EXOC2: variants seen among roughly 807,000 people sequenced by gnomAD.
The protein encoded by EXOC2 is exocyst complex component 2.
EXOC2 carries 70 observed loss-of-function variants against 131.8 expected under a neutral mutation model. That is an observed-to-expected ratio of 0.53 (90% CI 0.44 to 0.65). The LOEUF (loss-of-function observed/expected upper bound fraction) is 0.65. EXOC2 is among the 30% of genes least tolerant of loss of function. The probability of loss-of-function intolerance (pLI) is 0.00; values close to 1 mark genes in which losing one functional copy is unlikely to be tolerated. For synonymous variants in EXOC2, 411 were observed against 398.4 expected, an observed-to-expected ratio of 1.03 and a Z score of -0.38; for missense variants, 923 against 1,108.6, an observed-to-expected ratio of 0.83 and a Z score of 2.38.
At chr6:615,146 G>A (rs1340054729) in intron 6 of EXOC2, among the ~76,000 whole-genome samples, 1 of 151,820 alleles carries the variant, frequency 6.6e-6, no homozygotes, top group African/African-American at 2.4e-5. Flanking sequence ...AAATAAAGCA[G>A]AGACAGTAGA....
At chr6:638,901 C>T (rs1289678539) in intron 1 of EXOC2, among the ~76,000 whole-genome samples, 2 of 152,060 alleles carry the variant, frequency 1.3e-5, no homozygotes, top group African/African-American at 4.8e-5. Flanking sequence ...TGCACTCTAG[C>T]CTGGGTGACA....
chr6:562,185 C>A (rs1042121475), intron 17 of EXOC2, among the ~76,000 whole-genome samples: 4 of 152,226 alleles, frequency 2.6e-5, no homozygotes, highest in Non-Finnish European at 2.9e-5. Context: ...GAAGTCCCCC[C>A]CTGGTGAAAG....
At position 681,944 on chromosome 6, in the gene EXOC2, T is replaced by C. The variant is rs190151918; in HGVS notation, c.-44+11075A>G. Among the ~76,000 whole-genome samples the C allele has an allele frequency of 3.5e-3, 529 of 152,376 alleles. 2 individuals carry two copies. The highest frequency in any genetic ancestry group is 5.9e-3 in the Non-Finnish European group (402 of 68,040). On this transcript the variant is annotated intron_variant, in intron 1 of 27. Coordinates refer to ENST00000230449, the MANE Select transcript of EXOC2 (RefSeq NM_018303.6). ...GCTCACTGCTAACTCCTGGAGGATT[T>C]TGCCCAGTAAAAGCTAAGGTAGAAA...
chr6:651,179 C>G (rs151297268), intron 1 of EXOC2, among the ~76,000 whole-genome samples: 1,941 of 151,928 alleles, frequency 0.013, 37 homozygotes, highest in African/African-American at 0.044. Flanking sequence ...TACAGGCGCC[C>G]GCCACCATGC....
At position 564,906 on chromosome 6, in the gene EXOC2, A is replaced by T. The variant is rs770504817; in HGVS notation, c.1467T>A (p.Ile489=). The T allele has an allele frequency of 4.3e-6, 7 of 1,612,624 alleles. No individual in the cohort carries two copies. The South Asian group carries it at 6.6e-5, about 15-fold the overall frequency. ...TTTGCCTTACATTCTTTGATCTTTC[A>T]ATCTGGCCTGACTTCTCAGCAGTCT... The part of the protein sequence containing the change: ...FSETAEKSGQ[I]ERSKNVRQRQ... Residue 489 remains isoleucine (I), a synonymous_variant, in exon 14 of 28, where the codon ATT becomes ATA. Coordinates refer to ENST00000230449, the MANE Select transcript of EXOC2 (RefSeq NM_018303.6).
At chr6:548,314 C>T (rs1209656430) in intron 22 of EXOC2, among the ~76,000 whole-genome samples, 1 of 152,018 alleles carries the variant, frequency 6.6e-6, no homozygotes, top group African/African-American at 2.4e-5. Flanking sequence ...AAGTAGGTAA[C>T]CCTGAGTGCG....
At chr6:670,248 C>CCA in intron 1 of EXOC2, 1 of 152,342 alleles carries the variant, frequency 6.6e-6, no homozygotes, top group East Asian at 1.9e-4. Flanking sequence ...AGTTCAGCAT[C>CCA]CACACAAGCA....
chr6:568,832 T>C (rs967673355), intron 13 of EXOC2, among the ~76,000 whole-genome samples: 9 of 152,194 alleles, frequency 5.9e-5, no homozygotes, highest in Non-Finnish European at 1.0e-4. Flanking sequence ...AAAAAACATA[T>C]AAAAATTAAG....
chr6:567,012 AC>A (rs1383684965), intron 13 of EXOC2, among the ~76,000 whole-genome samples: 2 of 152,104 alleles, frequency 1.3e-5, no homozygotes, highest in Non-Finnish European at 2.9e-5. Context: ...AAACCTACCA[AC>A]TGCTCTCCAA....
At chr6:658,338 C>T (rs1375145370) in intron 1 of EXOC2, among the ~76,000 whole-genome samples, 1 of 152,078 alleles carries the variant, frequency 6.6e-6, no homozygotes, top group Admixed American at 6.5e-5. Context: ...CTCATTCTCT[C>T]ACAGATACTG....
chr6:659,976 T>C (rs1329548512), intron 1 of EXOC2, among the ~76,000 whole-genome samples: 2 of 143,172 alleles, frequency 1.4e-5, no homozygotes, highest in Non-Finnish European at 3.0e-5. Context: ...TTTCAAGCCG[T>C]CTTGCCACTC....
At chr6:675,432 T>C (rs911005217) in intron 1 of EXOC2, among the ~76,000 whole-genome samples, 3 of 152,198 alleles carry the variant, frequency 2.0e-5, no homozygotes, top group African/African-American at 7.2e-5. Flanking sequence ...TGCGCAGACA[T>C]GCAGGAGTAC....
intron 10 of EXOC2, among the ~76,000 whole-genome samples, chr6:593,528 C>G (rs1759657052): frequency 6.6e-6 from 1 of 152,154 alleles, no homozygotes; most frequent in African/African-American, 2.4e-5. Flanking sequence ...ATAAAACACC[C>G]AAATCCATAG....
At chr6:628,479 T>C in intron 4 of EXOC2, among the ~76,000 whole-genome samples, 1 of 151,854 alleles carries the variant, frequency 6.6e-6, no homozygotes, top group East Asian at 1.9e-4. Flanking sequence ...TGTGGGGAGG[T>C]AGAGAGAACA....
rs541732654 is a variant in EXOC2, at chr6:489,653, A to C, written c.2622-615T>G. Among the ~76,000 whole-genome samples, 3 of 152,384 alleles carry C rather than the reference A, an allele frequency of 2.0e-5. No individual in the cohort carries two copies. In the East Asian group the frequency reaches 5.8e-4, roughly 29 times the overall value. ...AGGAGAAAGTATTAGAAAAATTACC[A>C]AACCAAATGAAAAGCATCATAGGGG... On this transcript the variant is annotated intron_variant, in intron 26 of 27. Transcript: ENST00000230449.
chr6:635,320 C>A (rs9405871), intron 2 of EXOC2, among the ~76,000 whole-genome samples: 107,776 of 152,120 alleles, frequency 0.71, 38,817 homozygotes, highest in Middle Eastern at 0.88. Context: ...ATGGAGGTCC[C>A]CGTTGGCACA....
At chr6:643,445 C>T (rs759957866) in intron 1 of EXOC2, among the ~76,000 whole-genome samples, 2 of 152,098 alleles carry the variant, frequency 1.3e-5, no homozygotes, top group Admixed American at 6.5e-5. Context: ...AATTAATACA[C>T]TTCTAAATAA....
intron 11 of EXOC2, among the ~76,000 whole-genome samples, 169 bp downstream of exon 11, chr6:592,300 C>A (rs1019227463): frequency 6.6e-6 from 1 of 151,994 alleles, no homozygotes; most frequent in African/African-American, 2.4e-5. Context: ...TGTCCCTTTT[C>A]ATTAGTACAA....
chr6:656,150 A>G, intron 1 of EXOC2: 1 of 1,613,940 alleles, frequency 6.2e-7, no homozygotes, highest in Non-Finnish European at 8.5e-7. Context: ...CATCTTCTTG[A>G]ACCAAAACAA....
Sources: gnomAD v4.1 joint callset for allele counts (sites outside exome capture counted in the v4.1 genomes callset) on GRCh38, gnomAD v4.1.1 for gene constraint, MANE v1.5 for transcripts, NCBI Gene and HGNC (gene_info 2026-07-23, HGNC 2026-07-21) for gene names.